IQCH: variants seen among roughly 807,000 people sequenced by gnomAD.
The protein encoded by IQCH is IQ domain-containing protein H.
In IQCH, 98 loss-of-function variants were observed where a neutral mutation model predicts 117.0. The ratio of observed to expected loss-of-function variants is 0.84; its 90% CI spans 0.71 to 0.99. IQCH has a LOEUF of 0.99. IQCH is among the 50% of genes least tolerant of loss of function. The probability of loss-of-function intolerance (pLI) is 0.00; values close to 1 mark genes in which losing one functional copy is unlikely to be tolerated. For missense variants in IQCH, 1,102 were observed against 1,243.8 expected (o/e 0.89, Z 1.72); for synonymous variants, 412 against 448.2 (o/e 0.92, Z 1.02).
At chr15:67,336,729 T>G (rs1968908471) in intron 4 of IQCH, among the ~76,000 whole-genome samples, 1 of 152,242 alleles carries the variant, frequency 6.6e-6, no homozygotes, top group Admixed American at 6.5e-5. Context: ...TTAACTACTA[T>G]GTTGACTTTA....
chr15:67,351,038 T>C (rs1969637405), intron 6 of IQCH, among the ~76,000 whole-genome samples: 1 of 152,182 alleles, frequency 6.6e-6, no homozygotes, highest in African/African-American at 2.4e-5. Context: ...CATCACTGAA[T>C]TCATTTCTTT....
chr15:67,380,289 T>C (rs1272406141), intron 10 of IQCH, among the ~76,000 whole-genome samples: 1 of 152,256 alleles, frequency 6.6e-6, no homozygotes, highest in East Asian at 1.9e-4. Context: ...TTGGCCCATT[T>C]GGTTTGAGGA....
chr15:67,371,020 A>G (rs140045367), intron 8 of IQCH, among the ~76,000 whole-genome samples: 1,860 of 152,194 alleles, frequency 0.012, 17 homozygotes, highest in Middle Eastern at 0.044. Context: ...AGTAATAATA[A>G]CCCCACAGTT....
In IQCH at chr15:67,263,346, A is replaced by G. The variant is rs997284446; in HGVS notation, c.269+130A>G. The G allele has an allele frequency of 1.2e-4, 74 of 605,882 alleles. 2 individuals carry two copies. The highest frequency in any genetic ancestry group is 7.3e-4 in the South Asian group (37 of 50,522). 37.5% of individuals were successfully genotyped at this position (605,882 alleles called of 1,614,324 possible). A position where few individuals can be genotyped will look rare whatever the true frequency, so the allele number is the denominator to read the frequency against. On this transcript the variant is annotated intron_variant, in intron 3 of 20. Transcript: ENST00000335894. ...TCTTAACATCCTTTCTATTAATTCT[A>G]GTAGAGATTTTGCATAAGAAGTTAA... is the stretch of plus-strand genomic sequence containing the variant.
chr15:67,302,023 A>G (rs1967070100), intron 4 of IQCH, among the ~76,000 whole-genome samples: 1 of 152,176 alleles, frequency 6.6e-6, no homozygotes, highest in African/African-American at 2.4e-5. Flanking sequence ...TTTTAAGGCC[A>G]GTTTTAACAG....
rs181966655 is a variant in IQCH at position 67,401,686 on chromosome 15, G to A, written c.2097+1381G>A. Reference sequence around the variant, plus strand: ...TTCCCCATGATCTATTCTGGGCTTCGTTTCTCCCCTCCATCAGTAAATGGA... The same window carrying A: ...TTCCCCATGATCTATTCTGGGCTTCATTTCTCCCCTCCATCAGTAAATGGA... On this transcript the variant is annotated intron_variant, in intron 14 of 20. Coordinates refer to ENST00000335894, the MANE Select transcript of IQCH (RefSeq NM_001031715.3). The surrounding 1 kb of genome is among the most constrained non-coding windows in gnomAD (Gnocchi z 4.7). Among the ~76,000 whole-genome samples the A allele has an allele frequency of 4.0e-4, 61 of 152,218 alleles. No individual in the cohort carries two copies. The highest frequency in any genetic ancestry group is 3.3e-3 in the East Asian group (17 of 5,180).
intron 18 of IQCH, among the ~76,000 whole-genome samples, chr15:67,478,322 T>C (rs542607192): frequency 6.6e-6 from 1 of 151,368 alleles, no homozygotes; most frequent in Admixed American, 6.6e-5. Flanking sequence ...GAGGCAGAGG[T>C]TGCAGTGAGT....
intron 3 of IQCH, 119 bp downstream of exon 3, chr15:67,263,335 CT>C (rs1250066147): frequency 4.9e-6 from 3 of 616,634 alleles, no homozygotes; most frequent in South Asian, 1.9e-5. Context: ...AACATCCTTT[CT>C]ATTAATTCTA....
At chr15:67,314,571 A>T (rs993257978) in intron 4 of IQCH, among the ~76,000 whole-genome samples, 2 of 152,004 alleles carry the variant, frequency 1.3e-5, no homozygotes, top group African/African-American at 4.8e-5. Flanking sequence ...AGCAGTAAAA[A>T]CCCTTAGAAA....
rs774656960 is a variant in IQCH at position 67,343,140 on chromosome 15, T to C, written c.509-923T>C. Among the ~76,000 whole-genome samples the C allele has an allele frequency of 2.0e-5, 3 of 152,328 alleles. No homozygotes were observed. The East Asian group carries it at 5.8e-4, about 29-fold the overall frequency. ...GGTCATAAGGTAAATAGAAATAGCA[T>C]TGGTCCCTCTTAGAAGGGACCAAGT... On this transcript the variant is annotated intron_variant, in intron 5 of 20. Transcript: ENST00000335894.
chr15:67,337,832 C>T (rs935859313), intron 5 of IQCH, among the ~76,000 whole-genome samples: 6 of 152,230 alleles, frequency 3.9e-5, no homozygotes, highest in African/African-American at 9.6e-5. Flanking sequence ...TTCCTTATCT[C>T]GCCTTCTATC....
At chr15:67,353,362 A>AT (rs113593879) in intron 6 of IQCH, among the ~76,000 whole-genome samples, 3,415 of 148,368 alleles carry the variant, frequency 0.023, 68 homozygotes, top group Non-Finnish European at 0.039. Flanking sequence ...ATATTTATTT[A>AT]TTTTTTTTTT....
chr15:67,290,000 G>C (rs1306931540), intron 4 of IQCH, among the ~76,000 whole-genome samples: 2 of 152,082 alleles, frequency 1.3e-5, no homozygotes, highest in South Asian at 4.1e-4. Context: ...CATGATGACA[G>C]ACTGTTTTTT....
intron 4 of IQCH, among the ~76,000 whole-genome samples, chr15:67,330,351 A>G (rs1968610997): frequency 6.6e-6 from 1 of 152,226 alleles, no homozygotes; most frequent in Non-Finnish European, 1.5e-5. Context: ...AGAAGATAAA[A>G]CTGAGACTCA....
At chr15:67,307,266 A>G (rs943675467) in intron 4 of IQCH, 6 of 634,958 alleles carry the variant, frequency 9.4e-6, no homozygotes, top group African/African-American at 4.0e-5. Flanking sequence ...ATTTAATACT[A>G]TTATGATTTC....
At position 67,254,840 on chromosome 15, in the gene IQCH, A is replaced by C. The variant is rs931169918; in HGVS notation, c.-57A>C. 48 of 1,562,364 alleles carry C rather than the reference A, an allele frequency of 3.1e-5. No individual in the cohort carries two copies. The African/African-American group carries it at 6.1e-4, about 20-fold the overall frequency. On this transcript the variant is annotated 5_prime_UTR_variant, in exon 1 of 21. Transcript: ENST00000335894. ...CATGGGGACGAGCGGCTCCGGCTGA[A>C]GGTTTCCGTGCTTGGAAACCGCGCC... is the stretch of plus-strand genomic sequence containing the variant.
At chr15:67,428,949 T>C (rs1294194962) in intron 16 of IQCH, among the ~76,000 whole-genome samples, 2 of 151,498 alleles carry the variant, frequency 1.3e-5, no homozygotes, top group East Asian at 3.9e-4. Flanking sequence ...GAAGGGACCA[T>C]GAGCCAATGG....
intron 6 of IQCH, among the ~76,000 whole-genome samples, chr15:67,347,794 T>G (rs967958178): frequency 9.5e-5 from 14 of 147,776 alleles, no homozygotes; most frequent in Non-Finnish European, 4.5e-5. Context: ...AATCTAGTGC[T>G]CTGTCTATAT....
rs1442327120 is a variant in IQCH, at chr15:67,406,176, G to T, written c.2097+5871G>T. Reference sequence around the variant, plus strand: ...AGCCTGTAAATTCCCAAAAAGCTTTGAGTAGCCCACCTTCACAATCAGATG... The same window carrying T: ...AGCCTGTAAATTCCCAAAAAGCTTTTAGTAGCCCACCTTCACAATCAGATG... On this transcript the variant is annotated intron_variant, in intron 14 of 20. Transcript: ENST00000335894. This position sits in a 1 kb window ranked among gnomAD's most constrained non-coding sequence, Gnocchi z 4.5. 1 of 152,158 alleles carries T rather than the reference G, an allele frequency of 6.6e-6. No homozygotes were observed. The highest frequency in any genetic ancestry group is 6.5e-5 in the Admixed American group (1 of 15,268). 9.4% of individuals were successfully genotyped at this position (152,158 alleles called of 1,614,324 possible).
Sources: allele counts gnomAD v4.1 joint callset (sites outside exome capture counted in the v4.1 genomes callset), GRCh38; gene constraint gnomAD v4.1.1; non-coding constraint Gnocchi (gnomAD v3.1); transcripts MANE v1.5; gene names NCBI Gene and HGNC (gene_info 2026-07-23, HGNC 2026-07-21).